MCUB: variants seen among roughly 807,000 people sequenced by gnomAD.
The protein encoded by MCUB is mitochondrial calcium uniporter dominant negative subunit beta, also known as calcium uniporter regulatory subunit MCUb, mitochondrial.
A neutral mutation model predicts 41.4 loss-of-function variants in MCUB; 46 were observed. The ratio of observed to expected loss-of-function variants is 1.11; its 90% confidence interval spans 0.88 to 1.42. MCUB has a LOEUF of 1.42. Ranked by LOEUF, MCUB falls within the 40% of genes most tolerant of loss-of-function variation. MCUB has a pLI of 0.00. For missense variants in MCUB, 403 were observed against 404.9 expected, an observed-to-expected ratio of 1.00 and a Z score of 0.04; for synonymous variants, 148 against 148.2, an observed-to-expected ratio of 1.00 and a Z score of 0.01.
intron 1 of MCUB, among the ~76,000 whole-genome samples, chr4:109,635,109 A>T (rs1039353117): frequency 1.3e-5 from 2 of 152,134 alleles, no homozygotes; most frequent in African/African-American, 4.8e-5. Context: ...AGCTTCATCC[A>T]TGTCCCTGCA....
At chr4:109,612,230 A>G (rs1324472512) in intron 1 of MCUB, among the ~76,000 whole-genome samples, 1 of 151,238 alleles carries the variant, frequency 6.6e-6, no homozygotes, top group East Asian at 1.9e-4. Flanking sequence ...GAGGAGAGAG[A>G]AAGCTCTGGT....
intron 4 of MCUB, among the ~76,000 whole-genome samples, chr4:109,666,168 C>A (rs1462365891): frequency 6.6e-6 from 1 of 152,114 alleles, no homozygotes; most frequent in African/African-American, 2.4e-5. Flanking sequence ...AATAATTGTT[C>A]ATTATCTGTA....
At chr4:109,602,899 T>C (rs1430129049) in intron 1 of MCUB, among the ~76,000 whole-genome samples, 1 of 152,222 alleles carries the variant, frequency 6.6e-6, no homozygotes, top group Non-Finnish European at 1.5e-5. Context: ...ATAGTTTTCA[T>C]TGCAGGAATC....
At chr4:109,599,436 C>T (rs762435738) in intron 1 of MCUB, among the ~76,000 whole-genome samples, 3 of 151,980 alleles carry the variant, frequency 2.0e-5, no homozygotes, top group Non-Finnish European at 4.4e-5. Context: ...TTTTCAGCTC[C>T]AAAGTATGTG....
intron 1 of MCUB, among the ~76,000 whole-genome samples, chr4:109,597,921 C>T (rs944434920): frequency 1.1e-4 from 14 of 128,490 alleles, no homozygotes; most frequent in African/African-American, 3.0e-4. Context: ...CAGACGGGGT[C>T]GCGGCCGGGC....
intron 4 of MCUB, among the ~76,000 whole-genome samples, chr4:109,671,221 AAG>A (rs1266282722): frequency 1.3e-5 from 2 of 152,130 alleles, no homozygotes; most frequent in African/African-American, 4.8e-5. Context: ...CTTTTTCTTA[AAG>A]AGAGCTTTTT....
chr4:109,635,698 TCCTTCCTTCTC>T (rs903638958), intron 1 of MCUB, among the ~76,000 whole-genome samples: 121 of 152,278 alleles, frequency 7.9e-4, no homozygotes, highest in African/African-American at 2.7e-3. Context: ...GCGTCTTCCT[TCCTTCCTTCTC>T]CCTTCCTTCT....
intron 4 of MCUB, among the ~76,000 whole-genome samples, chr4:109,681,103 T>C (rs940277586): frequency 6.6e-6 from 1 of 152,168 alleles, no homozygotes; most frequent in South Asian, 2.1e-4. Context: ...ATAAGAGAGA[T>C]TACTAAGAAG....
chr4:109,606,006 G>A (rs1016299902), intron 1 of MCUB, among the ~76,000 whole-genome samples: 4 of 151,912 alleles, frequency 2.6e-5, no homozygotes, highest in African/African-American at 7.3e-5. Context: ...ACAGACTCTC[G>A]CTCTGTTGCC....
chr4:109,685,470 T>C, intron 7 of MCUB, 103 bp downstream of exon 7: 2 of 579,450 alleles, frequency 3.5e-6, no homozygotes, highest in Non-Finnish European at 3.1e-6. Flanking sequence ...ATCTTGGTCC[T>C]AGATTTCTGT....
At chr4:109,582,975 A>G (rs1220179803) in intron 1 of MCUB, among the ~76,000 whole-genome samples, 1 of 152,102 alleles carries the variant, frequency 6.6e-6, no homozygotes, top group Non-Finnish European at 1.5e-5. Flanking sequence ...GCCTTGTAGT[A>G]TAGTTTGAAG....
At position 109,608,034 on chromosome 4, in the gene MCUB, T is replaced by C. The variant is rs550970941; in HGVS notation, c.99+47598T>C. ...GCCAATAACTCTTAGATATGACCCT[T>C]TGAAGCCCTTCTCTAGATATTGTAG... On this transcript the variant is annotated intron_variant, in intron 1 of 7. Coordinates refer to ENST00000394650, the MANE Select transcript of MCUB (RefSeq NM_017918.5). Among the ~76,000 whole-genome samples the C allele has an allele frequency of 5.3e-5, 8 of 152,318 alleles. No homozygotes were observed. In the South Asian group the frequency reaches 1.7e-3, roughly 32 times the overall value.
At chr4:109,627,432 G>A (rs180791917) in intron 1 of MCUB, among the ~76,000 whole-genome samples, 67 of 152,312 alleles carry the variant, frequency 4.4e-4, no homozygotes, top group African/African-American at 1.5e-3. Context: ...AGCATTTTAG[G>A]AAATCAACAG....
chr4:109,623,263 G>T (rs1728292151), intron 1 of MCUB, among the ~76,000 whole-genome samples: 1 of 152,210 alleles, frequency 6.6e-6, no homozygotes, highest in African/African-American at 2.4e-5. Flanking sequence ...TACTTGTCAT[G>T]TGGATGTAAG....
In MCUB at chr4:109,577,905, C is replaced by T. The variant is rs546395355; in HGVS notation, c.99+17469C>T. 3.5e-4 allele frequency among the ~76,000 whole-genome samples: 10 copies of T among 28,546 alleles called. 3 individuals are homozygous for T. The highest frequency in any genetic ancestry group is 1.1e-3 in the African/African-American group (10 of 9,202). The allele number at this position is 28,546 out of a possible 152,430, so 18.7% of individuals were successfully genotyped here. A position where few individuals can be genotyped will look rare whatever the true frequency, so the allele number is the denominator to read the frequency against. ...GATTACAGGTGTGAGCCACCGCGCC[C>T]GGCCGGGTACTTGAATTCTTTAAGA... On this transcript the variant is annotated intron_variant, in intron 1 of 7. Coordinates refer to ENST00000394650, the MANE Select transcript of MCUB (RefSeq NM_017918.5).
intron 4 of MCUB, among the ~76,000 whole-genome samples, chr4:109,668,235 A>G (rs1729387488): frequency 6.6e-6 from 1 of 152,076 alleles, no homozygotes; most frequent in South Asian, 2.1e-4. Flanking sequence ...AGGAATGTTG[A>G]AGTCTGTAAC....
chr4:109,584,269 TG>T (rs1350629915), intron 1 of MCUB, among the ~76,000 whole-genome samples: 1 of 152,238 alleles, frequency 6.6e-6, no homozygotes, highest in African/African-American at 2.4e-5. Flanking sequence ...GATGGTAGTT[TG>T]TATTTCTGTG....
chr4:109,639,893 T>C (rs1397560654), intron 1 of MCUB, among the ~76,000 whole-genome samples: 1 of 152,178 alleles, frequency 6.6e-6, no homozygotes, highest in Non-Finnish European at 1.5e-5. Context: ...AACACAGCGT[T>C]ATTAGCCTGT....
At chr4:109,568,705 G>A (rs937196514) in intron 1 of MCUB, among the ~76,000 whole-genome samples, 3 of 152,000 alleles carry the variant, frequency 2.0e-5, no homozygotes, top group African/African-American at 4.8e-5. Flanking sequence ...TACATCATTC[G>A]ACCATACATT....
Sources: gnomAD v4.1 joint callset for allele counts (sites outside exome capture counted in the v4.1 genomes callset) on GRCh38, gnomAD v4.1.1 for gene constraint, MANE v1.5 for transcripts, NCBI Gene and HGNC (gene_info 2026-07-23, HGNC 2026-07-21) for gene names.